Variants in HDHD3 observed in about 807,000 individuals in gnomAD.
HDHD3 encodes haloacid dehalogenase-like hydrolase domain-containing protein 3.
Under a neutral mutation model 6.9 loss-of-function variants are expected in HDHD3, and 6 were observed. That is an observed-to-expected ratio of 0.87 (90% CI 0.48 to 1.72). The LOEUF (loss-of-function observed/expected upper bound fraction) is 1.72. Ranked by LOEUF, HDHD3 falls within the 40% of genes most tolerant of loss-of-function variation. The pLI is 0.01. For synonymous variants in HDHD3, 139 were observed against 140.7 expected, an observed-to-expected ratio of 0.99 and a Z score of 0.08; for missense variants, 308 against 327.4, an observed-to-expected ratio of 0.94 and a Z score of 0.46.
At chr9:113,375,619 C>T (rs1053530939) in intron 1 of HDHD3, 52 bp from the exon 2 acceptor site, 3 of 152,338 alleles carry the variant, frequency 2.0e-5, no homozygotes, top group Non-Finnish European at 4.4e-5. Context: ...TGTCTCTAGC[C>T]CTCTCTGAAC....
In HDHD3 at chr9:113,373,748, C is replaced by A; in HGVS notation, c.607G>T (p.Ala203Ser). 1 of 1,613,584 alleles carries A rather than the reference C, an allele frequency of 6.2e-7. No homozygotes were observed. Among genetic ancestry groups the A allele is most frequent in the Non-Finnish European group, 8.5e-7 (1 of 1,179,648 alleles). The change falls in exon 3 of 3, where the codon GCT becomes TCT. Residue 203 changes from alanine (A) to serine (S), a missense_variant. By Grantham distance (99) the Ala-to-Ser change is moderately conservative. Coordinates refer to ENST00000374180, the MANE Select transcript of HDHD3 (RefSeq NM_001304509.2). ...ACCAGGAAGCTGTGCATGCCCACAG[C>A]CCGAGGCCCCTGGTAATCGCAGAGG... ...NYLCDYQGPR[A>S]VGMHSFLVVG...
Position 113,376,291 on chromosome 9 carries a change from A to T in HDHD3, c.-291+438T>A, listed in dbSNP as rs536001695. 1,062 of 139,074 alleles carry T rather than the reference A, an allele frequency of 7.6e-3. 84 individuals are homozygous for T. The highest frequency in any genetic ancestry group is 0.026 in the Middle Eastern group (7 of 268). The allele number at this position is 139,074 out of a possible 1,614,324, so 8.6% of individuals were successfully genotyped here. On this transcript the variant is annotated intron_variant, in intron 1 of 2. Transcript: ENST00000374180. ...TGGCCAGGCTGGTCTCGAACTCCCG[A>T]CCTCAGCCTCCCAAAGTGTTAGGAT...
Position 113,374,345 on chromosome 9 carries a change from G to C in HDHD3, c.10C>G (p.Arg4Gly), listed in dbSNP as rs751267173. The change falls in exon 3 of 3, where the codon CGG becomes GGG. Residue 4 changes from arginine to glycine, a missense_variant. Coordinates refer to ENST00000374180, the MANE Select transcript of HDHD3 (RefSeq NM_001304509.2). MAH[R>G]LQIRLLTWDV... ...CACGTCAGCAGTCGTATCTGCAGCC[G>C]GTGTGCCATGGAGGAGGCCAAGTCC... The C allele has an allele frequency of 6.6e-6, 10 of 1,513,500 alleles. No individual in the cohort carries two copies. Among genetic ancestry groups the C allele is most frequent in the Non-Finnish European group, 8.0e-6 (9 of 1,129,896 alleles). 93.8% of individuals were successfully genotyped at this position (1,513,500 alleles called of 1,614,324 possible). A position where few individuals can be genotyped will look rare whatever the true frequency, so the allele number is the denominator to read the frequency against.
chr9:113,374,220 C>T lies in HDHD3; in HGVS notation c.135G>A (p.Leu45=). 2 of 1,607,400 alleles carry T rather than the reference C, an allele frequency of 1.2e-6. No homozygotes were observed. Among genetic ancestry groups the T allele is most frequent in the African/African-American group, 1.3e-5 (1 of 74,954 alleles). The change falls in exon 3 of 3, where the codon CTG becomes CTA. Residue 45 remains leucine (L), a synonymous_variant. Transcript: ENST00000374180. ...AHGLEVEPSA[L]EQGFRQAYRA... The stretch of plus-strand genomic sequence containing the variant: ...TGTATGCCTGCCTGAAGCCTTGTTC[C>T]AGGGCTGAGGGCTCCACCTCCAGCC...
At position 113,373,496 on chromosome 9, in the gene HDHD3, G is replaced by A; in HGVS notation, c.*103C>T. The stretch of plus-strand genomic sequence containing the variant: ...TAGGTGACAAAGGCCGCAGGGAGAG[G>A]GGGAAAGGTCCAGAGCTGTGGAGAA... On this transcript the variant is annotated 3_prime_UTR_variant, in exon 3 of 3. Transcript: ENST00000374180. 7.8e-7 allele frequency: 1 copy of A among 1,277,890 alleles called. No individual in the cohort carries two copies. The highest frequency in any genetic ancestry group is 1.1e-6 in the Non-Finnish European group (1 of 935,128). The allele number at this position is 1,277,890 out of a possible 1,614,324, so 79.2% of individuals were successfully genotyped here.
rs368863020 is a variant in HDHD3, at chr9:113,374,309, C to T, written c.46G>A (p.Asp16Asn). The change falls in exon 3 of 3, where the codon GAC becomes AAC. Residue 16 changes from aspartate to asparagine, a missense_variant. By Grantham distance (23) the Asp-to-Asn change is conservative (BLOSUM62 1). Transcript: ENST00000374180. ...GGGTGGCGGAGCCTGAGCAGCGTGTCCTTCACATCCCACGTCAGCAGTCGT... is the reference window on the plus strand; with the variant it reads ...GGGTGGCGGAGCCTGAGCAGCGTGTTCTTCACATCCCACGTCAGCAGTCGT... ...QIRLLTWDVK[D>N]TLLRLRHPLG... 2.5e-5 allele frequency: 39 copies of T among 1,530,908 alleles called. No homozygotes were observed. In the African/African-American group the frequency reaches 4.6e-4, roughly 18 times the overall value. The allele number at this position is 1,530,908 out of a possible 1,614,324, so 94.8% of individuals were successfully genotyped here. A position where few individuals can be genotyped will look rare whatever the true frequency, so the allele number is the denominator to read the frequency against.
chr9:113,374,884 AT>A (rs1834424497), intron 2 of HDHD3, among the ~76,000 whole-genome samples: 1 of 150,346 alleles, frequency 6.7e-6, no homozygotes, highest in African/African-American at 2.4e-5. Flanking sequence ...ATTTTTTTTA[AT>A]TTTTTTGTGA....
At position 113,373,887 on chromosome 9, in the gene HDHD3, A is replaced by C; in HGVS notation, c.468T>G (p.Phe156Leu). Reference sequence around the variant, plus strand: ...AGCCAGCAGCCTCGGAGGTCAGCACAAAGTCGAAGTGTTCACGCAGGCCAA... The same window carrying C: ...AGCCAGCAGCCTCGGAGGTCAGCACCAAGTCGAAGTGTTCACGCAGGCCAA... Reference protein sequence around the residue: ...GGLGLREHFDFVLTSEAAGWP... With the variant: ...GGLGLREHFDLVLTSEAAGWP... The change falls in exon 3 of 3, where the codon TTT (phenylalanine) becomes TTG (leucine). Residue 156 changes from phenylalanine to leucine, a missense_variant. By Grantham distance (22) the Phe-to-Leu change is conservative (BLOSUM62 0). Coordinates refer to ENST00000374180, the MANE Select transcript of HDHD3 (RefSeq NM_001304509.2). 1 of 1,614,250 alleles carries C rather than the reference A, an allele frequency of 6.2e-7. No individual in the cohort carries two copies.
At chr9:113,375,657 A>AAT (rs537380050) in intron 1 of HDHD3, 90 bp from the exon 2 acceptor site, 60 of 152,570 alleles carry the variant, frequency 3.9e-4, no homozygotes, top group African/African-American at 1.4e-3. Context: ...TACTGGAGGT[A>AAT]ATAACACTGG....
chr9:113,374,169 G>C lies in HDHD3; in HGVS notation c.186C>G (p.Asn62Lys). 6.3e-7 allele frequency: 1 copy of C among 1,596,776 alleles called. No individual in the cohort carries two copies. ...AYRAQSHSFP[N>K]YGLSHGLTSR... ...AGGTTAGGCCGTGGCTCAGGCCGTAGTTGGGGAAGCTGTGGCTCTGAGCCC... is the reference window on the plus strand; with the variant it reads ...AGGTTAGGCCGTGGCTCAGGCCGTACTTGGGGAAGCTGTGGCTCTGAGCCC... Residue 62 changes from asparagine to lysine, a missense_variant, in exon 3 of 3, where the codon AAC (asparagine) becomes AAG (lysine). Transcript: ENST00000374180.
At position 113,374,274 on chromosome 9, in the gene HDHD3, C is replaced by T; in HGVS notation, c.81G>A (p.Glu27=). The change falls in exon 3 of 3, where the codon GAG becomes GAA. Residue 27 remains glutamate, a synonymous_variant. Transcript: ENST00000374180. The stretch of plus-strand genomic sequence containing the variant: ...GGGCCCGGGCCTTGGTGGCATAGGC[C>T]TCCCCTAAGGGGTGGCGGAGCCTGA... ...TLLRLRHPLG[E]AYATKARAHG... The T allele has an allele frequency of 1.3e-6, 2 of 1,586,738 alleles. No homozygotes were observed. The highest frequency in any genetic ancestry group is 4.5e-5 in the East Asian group (2 of 44,542).
At position 113,374,429 on chromosome 9, in the gene HDHD3, C is replaced by G; in HGVS notation, c.-75G>C. 1 of 1,381,596 alleles carries G rather than the reference C, an allele frequency of 7.2e-7. No individual in the cohort carries two copies. Among genetic ancestry groups the G allele is most frequent in the Admixed American group, 2.7e-5 (1 of 36,912 alleles). 85.6% of individuals were successfully genotyped at this position (1,381,596 alleles called of 1,614,324 possible). The stretch of plus-strand genomic sequence containing the variant: ...CCAGGGGAAGCTGAGCTGGATAAGA[C>G]CACCTCTGCGCAACCTAACAATCAC... On this transcript the variant is annotated 5_prime_UTR_variant, in exon 3 of 3. Transcript: ENST00000374180.
rs1326850670 is a variant in HDHD3 at position 113,375,488 on chromosome 9, C to G, written c.-211G>C. On this transcript the variant is annotated 5_prime_UTR_variant, in exon 2 of 3. Coordinates refer to ENST00000374180, the MANE Select transcript of HDHD3 (RefSeq NM_001304509.2). ...AGTGAGTCAGTGGCACAGCCAGGACCAGAACCCAAACTTCCAGACTCTCTG... is the reference window on the plus strand; with the variant it reads ...AGTGAGTCAGTGGCACAGCCAGGACGAGAACCCAAACTTCCAGACTCTCTG... The G allele has an allele frequency of 1.3e-5, 2 of 152,298 alleles. No individual in the cohort carries two copies. Among genetic ancestry groups the G allele is most frequent in the East Asian group, 3.9e-4 (2 of 5,192 alleles). The allele number at this position is 152,298 out of a possible 1,614,324, so 9.4% of individuals were successfully genotyped here.
Position 113,373,760 on chromosome 9 carries a change from G to A in HDHD3, c.595C>T (p.Gln199Ter). Residue 199 changes from glutamine (Q) to a stop codon, truncating the protein, a stop_gained, in exon 3 of 3, where the codon CAG becomes TAG. Transcript: ENST00000374180. LOFTEE classifies it high-confidence loss of function. ...HVGDNYLCDY[Q>*]GPRAVGMHSF... ...TGCATGCCCACAGCCCGAGGCCCCT[G>A]GTAATCGCAGAGGTAATTATCCCCA... The A allele has an allele frequency of 1.2e-6, 2 of 1,613,164 alleles. No individual in the cohort carries two copies. Among genetic ancestry groups the A allele is most frequent in the Non-Finnish European group, 1.7e-6 (2 of 1,179,372 alleles).
At position 113,373,976 on chromosome 9, in the gene HDHD3, G is replaced by C. The variant is rs781290992; in HGVS notation, c.379C>G (p.Arg127Gly). The change falls in exon 3 of 3, where the codon CGG (arginine) becomes GGG (glycine). Residue 127 changes from arginine to glycine, a missense_variant. Arg to Gly is a moderately radical substitution (Grantham distance 125). Transcript: ENST00000374180. ...GAGATCACTGCCAGTCTCAGACCCC[G>C]TGTGCGGCACTCCCTCAGGGTGTCC... ...AEDTLRECRTRGLRLAVISNF... is the reference protein window; with the variant it reads ...AEDTLRECRTGGLRLAVISNF... 1 of 1,614,144 alleles carries C rather than the reference G, an allele frequency of 6.2e-7. No individual in the cohort carries two copies. The highest frequency in any genetic ancestry group is 1.3e-5 in the African/African-American group (1 of 75,056).
In HDHD3 at chr9:113,374,290, C is replaced by T. The variant is rs148070774; in HGVS notation, c.65G>A (p.Arg22His). Residue 22 changes from arginine to histidine, a missense_variant, in exon 3 of 3, where the codon CGC becomes CAC. Physicochemically the swap from Arg to His is conservative, Grantham distance 29 (BLOSUM62 0). Transcript: ENST00000374180. ...GGCATAGGCCTCCCCTAAGGGGTGG[C>T]GGAGCCTGAGCAGCGTGTCCTTCAC... ...WDVKDTLLRL[R>H]HPLGEAYATK... 2.5e-5 allele frequency: 39 copies of T among 1,552,770 alleles called. No individual in the cohort carries two copies. The highest frequency in any genetic ancestry group is 3.2e-5 in the Non-Finnish European group (37 of 1,149,132).
rs922151597 is a variant in HDHD3, at chr9:113,373,529, G to A, written c.*70C>T. ...GTCCAGAGCTGTGGAGAAAGAAGGG[G>A]CTCCCTGTCTCCAGGGTTTGTTTAA... On this transcript the variant is annotated 3_prime_UTR_variant, in exon 3 of 3. Coordinates refer to ENST00000374180, the MANE Select transcript of HDHD3 (RefSeq NM_001304509.2). The A allele has an allele frequency of 3.4e-6, 5 of 1,449,330 alleles. No homozygotes were observed. In the East Asian group the frequency reaches 6.9e-5, roughly 20 times the overall value. The allele number at this position is 1,449,330 out of a possible 1,614,324, so 89.8% of individuals were successfully genotyped here. A position where few individuals can be genotyped will look rare whatever the true frequency, so the allele number is the denominator to read the frequency against.
In HDHD3 at chr9:113,373,551, T is replaced by C. The variant is rs773798102; in HGVS notation, c.*48A>G. ...GGGGCTCCCTGTCTCCAGGGTTTGT[T>C]TAAGGTTTTCTCCATGGCCTAGGGC... On this transcript the variant is annotated 3_prime_UTR_variant, in exon 3 of 3. Transcript: ENST00000374180. The C allele has an allele frequency of 6.6e-7, 1 of 1,506,412 alleles. No individual in the cohort carries two copies. Among genetic ancestry groups the C allele is most frequent in the Non-Finnish European group, 8.8e-7 (1 of 1,130,146 alleles). The allele number at this position is 1,506,412 out of a possible 1,614,324, so 93.3% of individuals were successfully genotyped here.
rs1834414925 is a variant in HDHD3, at chr9:113,374,430, C to T, written c.-76G>A. 7.4e-7 allele frequency: 1 copy of T among 1,345,116 alleles called. No homozygotes were observed. Among genetic ancestry groups the T allele is most frequent in the Non-Finnish European group, 9.9e-7 (1 of 1,009,158 alleles). The allele number at this position is 1,345,116 out of a possible 1,614,324, so 83.3% of individuals were successfully genotyped here. A position where few individuals can be genotyped will look rare whatever the true frequency, so the allele number is the denominator to read the frequency against. ...CAGGGGAAGCTGAGCTGGATAAGAC[C>T]ACCTCTGCGCAACCTAACAATCACC... On this transcript the variant is annotated 5_prime_UTR_variant, in exon 3 of 3. Transcript: ENST00000374180.
Sources: gnomAD v4.1 joint callset for allele counts (sites outside exome capture counted in the v4.1 genomes callset) on GRCh38, gnomAD v4.1.1 for gene constraint, MANE v1.5 for transcripts, NCBI Gene and HGNC (gene_info 2026-07-23, HGNC 2026-07-21) for gene names.